The following GALNT7 variants were observed in gnomAD, a reference collection of about 807,000 sequenced individuals.
GALNT7 encodes polypeptide N-acetylgalactosaminyltransferase 7.
A neutral mutation model predicts 82.1 loss-of-function variants in GALNT7; 60 were observed. The observed-to-expected ratio is 0.73, with a 90% CI of 0.59 to 0.91. GALNT7 has a LOEUF of 0.91. Ranked by LOEUF, GALNT7 falls within the 40% of genes least tolerant of loss-of-function variation. GALNT7 has a pLI of 0.00. For synonymous variants in GALNT7, 243 were observed against 275.1 expected, an observed-to-expected ratio of 0.88 and a Z score of 1.15; for missense variants, 660 against 804.2, an observed-to-expected ratio of 0.82 and a Z score of 2.17.
At chr4:173,196,622 G>A (rs1280546512) in intron 1 of GALNT7, among the ~76,000 whole-genome samples, 1 of 152,098 alleles carries the variant, frequency 6.6e-6, no homozygotes, top group African/African-American at 2.4e-5. Flanking sequence ...TGCCATGGTG[G>A]TTTGCTGCAC....
In GALNT7 at chr4:173,180,571, G is replaced by A. The variant is rs575310985; in HGVS notation, c.126+11610G>A. On this transcript the variant is annotated intron_variant, in intron 1 of 11. Transcript: ENST00000265000. ...TCGAACTTCTGACCTCAGGTGATCC[G>A]CCTGCCTTGGTTTCCCAAAGTGCTG... Among the ~76,000 whole-genome samples, 7 of 152,180 alleles carry A rather than the reference G, an allele frequency of 4.6e-5. No homozygotes were observed. The South Asian group carries it at 8.3e-4, about 18-fold the overall frequency.
At chr4:173,240,196 T>C (rs1030454719) in intron 1 of GALNT7, among the ~76,000 whole-genome samples, 3 of 152,170 alleles carry the variant, frequency 2.0e-5, no homozygotes, top group Admixed American at 6.6e-5. Flanking sequence ...TAATATTTCT[T>C]GTCAGTTGAA....
chr4:173,266,893 G>A (rs908651094), intron 2 of GALNT7, among the ~76,000 whole-genome samples: 3 of 149,776 alleles, frequency 2.0e-5, no homozygotes, highest in African/African-American at 7.3e-5. Context: ...GTGTGTGTGT[G>A]TGTGTGTGTG....
At chr4:173,202,236 G>A (rs1362215552) in intron 1 of GALNT7, among the ~76,000 whole-genome samples, 1 of 152,078 alleles carries the variant, frequency 6.6e-6, no homozygotes, top group Non-Finnish European at 1.5e-5. Flanking sequence ...TCTGTCATAG[G>A]GCATAGCTCT....
intron 1 of GALNT7, among the ~76,000 whole-genome samples, chr4:173,238,345 T>G (rs1409340859): frequency 6.6e-6 from 1 of 152,212 alleles, no homozygotes; most frequent in Non-Finnish European, 1.5e-5. Context: ...ATCTTTAGAA[T>G]AAAAATGCTA....
At chr4:173,201,548 A>G (rs1220105771) in intron 1 of GALNT7, among the ~76,000 whole-genome samples, 1 of 152,246 alleles carries the variant, frequency 6.6e-6, no homozygotes, top group Non-Finnish European at 1.5e-5. Context: ...ATTGGGTTAT[A>G]TATCTTATTT....
At chr4:173,174,698 T>C (rs1002346707) in intron 1 of GALNT7, among the ~76,000 whole-genome samples, 1 of 151,610 alleles carries the variant, frequency 6.6e-6, no homozygotes, top group South Asian at 2.1e-4. Flanking sequence ...CACAATCTAG[T>C]TGGGGGTGGG....
chr4:173,309,884 A>T (rs1174063674), intron 8 of GALNT7, among the ~76,000 whole-genome samples: 2 of 142,678 alleles, frequency 1.4e-5, no homozygotes, highest in African/African-American at 6.1e-5. Context: ...AGTTGGACTC[A>T]ACAATCACGA....
chr4:173,260,428 A>C (rs1490267749), intron 2 of GALNT7, among the ~76,000 whole-genome samples: 1 of 152,238 alleles, frequency 6.6e-6, no homozygotes, highest in Non-Finnish European at 1.5e-5. Flanking sequence ...ATTATATCTA[A>C]GTTTCAGTGT....
At chr4:173,260,200 A>C (rs898704341) in intron 2 of GALNT7, among the ~76,000 whole-genome samples, 1 of 152,228 alleles carries the variant, frequency 6.6e-6, no homozygotes, top group Admixed American at 6.5e-5. Flanking sequence ...CAGGAAGAAG[A>C]TGTACAATGA....
At chr4:173,204,314 T>C (rs1207873951) in intron 1 of GALNT7, among the ~76,000 whole-genome samples, 1 of 152,214 alleles carries the variant, frequency 6.6e-6, no homozygotes, top group Non-Finnish European at 1.5e-5. Context: ...GGTGTAGTCT[T>C]GTTTGGATTG....
rs1737498921 is a variant in GALNT7, at chr4:173,314,118, T to C, written c.1550T>C (p.Ile517Thr). Residue 517 changes from isoleucine (I) to threonine (T), a missense_variant, in exon 9 of 12, where the codon ATA becomes ACA. This residue lies in a region of GALNT7 where 527 missense variants were observed against 683.5 expected (regional missense o/e 0.77). Coordinates refer to ENST00000265000, the MANE Select transcript of GALNT7 (RefSeq NM_017423.3). ...CKSFKWFMEEIAYDITSHYPL... is the reference protein window; with the variant it reads ...CKSFKWFMEETAYDITSHYPL... ...AGTTTTAAGTGGTTCATGGAAGAAA[T>C]AGCTTATGATATCACCTCACACTAC... is the stretch of plus-strand genomic sequence containing the variant. 1 of 1,613,938 alleles carries C rather than the reference T, an allele frequency of 6.2e-7. No homozygotes were observed.
At chr4:173,289,574 A>T (rs1045370683) in intron 2 of GALNT7, among the ~76,000 whole-genome samples, 3 of 152,210 alleles carry the variant, frequency 2.0e-5, no homozygotes, top group Non-Finnish European at 4.4e-5. Context: ...CCCTTATCTT[A>T]TGCAGCTGTG....
At chr4:173,186,447 T>C (rs945730011) in intron 1 of GALNT7, among the ~76,000 whole-genome samples, 1 of 152,244 alleles carries the variant, frequency 6.6e-6, no homozygotes, top group African/African-American at 2.4e-5. Context: ...TAAAATCAAC[T>C]TCATAGCAAT....
At chr4:173,253,961 A>G (rs539892744) in intron 2 of GALNT7, among the ~76,000 whole-genome samples, 2 of 152,356 alleles carry the variant, frequency 1.3e-5, no homozygotes, top group African/African-American at 4.8e-5. Context: ...TCTGCCCAAC[A>G]AAGCAGACAA....
intron 2 of GALNT7, among the ~76,000 whole-genome samples, chr4:173,265,026 A>G (rs976957233): frequency 6.6e-6 from 1 of 152,232 alleles, no homozygotes; most frequent in Admixed American, 6.5e-5. Flanking sequence ...AGCAACTTGC[A>G]CTGTTTGGCA....
At chr4:173,284,398 C>T (rs1440332198) in intron 2 of GALNT7, among the ~76,000 whole-genome samples, 1 of 152,176 alleles carries the variant, frequency 6.6e-6, no homozygotes, top group Non-Finnish European at 1.5e-5. Flanking sequence ...AGCAAATATT[C>T]AGACATTAGA....
intron 2 of GALNT7, chr4:173,268,012 C>T (rs974381146): frequency 1.3e-5 from 2 of 154,312 alleles, no homozygotes; most frequent in South Asian, 2.0e-4. Flanking sequence ...TTCATCCTGC[C>T]GTCTTACTAC....
chr4:173,307,148 G>T (rs1293772393), intron 8 of GALNT7, among the ~76,000 whole-genome samples: 1 of 152,240 alleles, frequency 6.6e-6, no homozygotes, highest in Non-Finnish European at 1.5e-5. Context: ...TGGCTGCCAA[G>T]GTCATCCTGA....
Sources: gnomAD v4.1 joint callset for allele counts (sites outside exome capture counted in the v4.1 genomes callset) on GRCh38, gnomAD v4.1.1 for gene constraint, gnomAD v4.1.1 regional missense constraint, MANE v1.5 for transcripts, NCBI Gene and HGNC (gene_info 2026-07-23, HGNC 2026-07-21) for gene names.